Variants in BOLL observed in about 807,000 individuals in gnomAD.
BOLL encodes protein boule-like.
In BOLL, 23 loss-of-function variants were observed where a neutral mutation model predicts 44.4. That is an observed-to-expected ratio of 0.52 (90% CI 0.37 to 0.73). The LOEUF is 0.73. Among genes scored for constraint, BOLL ranks in the 30% least tolerant of loss-of-function variants. BOLL has a pLI of 0.00. For missense variants in BOLL, 287 were observed against 338.3 expected (o/e 0.85, Z 1.19); for synonymous variants, 97 against 110.8 (o/e 0.88, Z 0.78).
At chr2:197,752,052 CAT>C (rs1688285249) in intron 9 of BOLL, among the ~76,000 whole-genome samples, 4 of 152,286 alleles carry the variant, frequency 2.6e-5, no homozygotes, top group South Asian at 2.1e-4. Flanking sequence ...ACAAAAACCA[CAT>C]GATTATCTCA....
At chr2:197,767,368 A>G (rs1029684868) in intron 6 of BOLL, among the ~76,000 whole-genome samples, 12 of 152,040 alleles carry the variant, frequency 7.9e-5, no homozygotes, top group Non-Finnish European at 4.4e-5. Context: ...AAACTGAGGA[A>G]AAGTATCACA....
chr2:197,779,087 C>T (rs746632778), intron 2 of BOLL, 21 bp from the exon 3 acceptor site: 8 of 1,528,440 alleles, frequency 5.2e-6, no homozygotes, highest in Middle Eastern at 1.7e-4. Flanking sequence ...AAAAAGAAAA[C>T]GTTAAAAAGC....
intron 9 of BOLL, among the ~76,000 whole-genome samples, chr2:197,750,675 T>A (rs1324413384): frequency 6.6e-6 from 1 of 152,134 alleles, no homozygotes; most frequent in Non-Finnish European, 1.5e-5. Flanking sequence ...CACAGAGACT[T>A]AGACTCCCAC....
chr2:197,781,833 T>C lies in BOLL; in HGVS notation c.18A>G (p.Leu6=), dbSNP rs145625446. The C allele has an allele frequency of 2.5e-6, 4 of 1,603,730 alleles. No homozygotes were observed. The highest frequency in any genetic ancestry group is 1.1e-5 in the South Asian group (1 of 89,376). The stretch of plus-strand genomic sequence containing the variant: ...GTGACACAGGATTAGGGGATGGAGA[T>C]AATGAATCTGTTTGCATCTGGTTTG... MQTDS[L]SPSPNPVSPV... The change falls in exon 2 of 11, where the codon TTA becomes TTG. Residue 6 remains leucine (L), a synonymous_variant. Transcript: ENST00000392296.
intron 9 of BOLL, among the ~76,000 whole-genome samples, chr2:197,752,984 C>T (rs903391279): frequency 3.9e-5 from 6 of 152,122 alleles, no homozygotes; most frequent in Non-Finnish European, 8.8e-5. Flanking sequence ...GAACAGAGAC[C>T]TCAGAAATAA....
chr2:197,765,250 G>A (rs1688938157), intron 7 of BOLL, among the ~76,000 whole-genome samples: 1 of 151,572 alleles, frequency 6.6e-6, no homozygotes, highest in Admixed American at 6.6e-5. Context: ...TCGGGTGATG[G>A]GTGCATCAAA....
At chr2:197,753,767 C>T (rs1185467583) in intron 9 of BOLL, among the ~76,000 whole-genome samples, 2 of 152,138 alleles carry the variant, frequency 1.3e-5, no homozygotes, top group African/African-American at 4.8e-5. Context: ...ACCATTTGAC[C>T]CAGCAATCCC....
At chr2:197,777,164 TATTA>T in intron 3 of BOLL, 51 bp from the exon 4 acceptor site, 1 of 1,206,264 alleles carries the variant, frequency 8.3e-7, no homozygotes, top group East Asian at 2.7e-5. Flanking sequence ...TAGAATGTTA[TATTA>T]ATTATATTAA....
rs139799736 is a variant in BOLL at position 197,771,779 on chromosome 2, A to T, written c.480+76T>A. ...TTATTTGTAATTATCTGTGGTTAAG[A>T]TATTTCAGAAATATAACAAACATTA... On this transcript the variant is annotated intron_variant, in intron 6 of 10. Coordinates refer to ENST00000392296, the MANE Select transcript of BOLL (RefSeq NM_033030.6). 216 of 1,386,210 alleles carry T rather than the reference A, an allele frequency of 1.6e-4. No individual in the cohort carries two copies. The African/African-American group carries it at 3.0e-3, about 19-fold the overall frequency. The allele number at this position is 1,386,210 out of a possible 1,614,324, so 85.9% of individuals were successfully genotyped here.
intron 10 of BOLL, 137 bp from the exon 11 acceptor site, chr2:197,728,715 T>C (rs1686966339): frequency 1.6e-6 from 1 of 633,910 alleles, no homozygotes; most frequent in Non-Finnish European, 2.7e-6. Flanking sequence ...ATTAGAATGT[T>C]ACAAAGTGAG....
intron 9 of BOLL, among the ~76,000 whole-genome samples, chr2:197,748,815 A>C (rs1161926569): frequency 6.6e-6 from 1 of 152,274 alleles, no homozygotes; most frequent in African/African-American, 2.4e-5. Context: ...CAGCTTCAGC[A>C]GACTTAAATG....
intron 2 of BOLL, among the ~76,000 whole-genome samples, chr2:197,779,784 C>T (rs1407842480): frequency 1.3e-5 from 2 of 151,892 alleles, no homozygotes; most frequent in Non-Finnish European, 2.9e-5. Flanking sequence ...AGACTCATAT[C>T]ACCTTTTCTC....
chr2:197,756,375 T>G, intron 9 of BOLL, 53 bp downstream of exon 9: 2 of 1,422,456 alleles, frequency 1.4e-6, no homozygotes, highest in Non-Finnish European at 1.9e-6. Context: ...GAAAAAGAAA[T>G]AAATGTTAAC....
chr2:197,751,316 T>C (rs1013425217), intron 9 of BOLL, among the ~76,000 whole-genome samples: 6 of 150,412 alleles, frequency 4.0e-5, no homozygotes, highest in African/African-American at 7.3e-5. Flanking sequence ...CTGAGGGAGA[T>C]AGAGACACGA....
rs529827573 is a variant in BOLL, at chr2:197,757,096, C to T, written c.600+257G>A. Among the ~76,000 whole-genome samples, 109 of 152,164 alleles carry T rather than the reference C, an allele frequency of 7.2e-4. 1 individual carries two copies. The highest frequency in any genetic ancestry group is 2.6e-3 in the African/African-American group (107 of 41,542). The stretch of plus-strand genomic sequence containing the variant: ...AAAAGGGTAAGTTTTCATGTTTATA[C>T]AGTACACATTTATAAAATGCTTTCA... On this transcript the variant is annotated intron_variant, in intron 8 of 10. Transcript: ENST00000392296.
At chr2:197,741,713 A>G (rs954130981) in intron 10 of BOLL, among the ~76,000 whole-genome samples, 4 of 152,094 alleles carry the variant, frequency 2.6e-5, no homozygotes, top group African/African-American at 4.8e-5. Context: ...AAAACCCTAG[A>G]AGAAAACCTA....
At chr2:197,755,829 C>T (rs1159285962) in intron 9 of BOLL, 1 of 152,180 alleles carries the variant, frequency 6.6e-6, no homozygotes, top group African/African-American at 2.4e-5. Context: ...TGCAGCAAAC[C>T]AACATGGCAC....
intron 9 of BOLL, among the ~76,000 whole-genome samples, chr2:197,747,980 C>G (rs150672417): frequency 9.1e-4 from 138 of 152,294 alleles, no homozygotes; most frequent in African/African-American, 3.2e-3. Context: ...AGGACCAGCT[C>G]TGGTCCGCAG....
chr2:197,742,226 C>A (rs1261234939), intron 10 of BOLL, among the ~76,000 whole-genome samples: 1 of 152,132 alleles, frequency 6.6e-6, no homozygotes, highest in East Asian at 1.9e-4. Flanking sequence ...GGAGTGTAAA[C>A]TAGTTCAACC....
Sources: allele counts gnomAD v4.1 joint callset (sites outside exome capture counted in the v4.1 genomes callset), GRCh38; gene constraint gnomAD v4.1.1; transcripts MANE v1.5; gene names NCBI Gene and HGNC (gene_info 2026-07-23, HGNC 2026-07-21).